THSD7B: variants seen among roughly 807,000 people sequenced by gnomAD.
The protein encoded by THSD7B is thrombospondin type-1 domain-containing protein 7B.
A neutral mutation model predicts 213.6 loss-of-function variants in THSD7B; 138 were observed. The ratio of observed to expected loss-of-function variants is 0.65; its 90% confidence interval spans 0.56 to 0.74. THSD7B has a LOEUF of 0.74. Ranked by LOEUF, THSD7B falls within the 30% of genes least tolerant of loss-of-function variation. The probability of loss-of-function intolerance (pLI) is 0.00; values close to 1 mark genes in which losing one functional copy is unlikely to be tolerated. For synonymous variants in THSD7B, 742 were observed against 687.0 expected (o/e 1.08, Z -1.25); for missense variants, 1,931 against 1,991.5 (o/e 0.97, Z 0.58).
chr2:137,322,819 T>C (rs1368858324), intron 12 of THSD7B, among the ~76,000 whole-genome samples: 2 of 152,206 alleles, frequency 1.3e-5, no homozygotes, highest in African/African-American at 4.8e-5. Context: ...AACATCTCTG[T>C]TTGTCATAGA....
intron 15 of THSD7B, among the ~76,000 whole-genome samples, chr2:137,495,445 A>T (rs1679539159): frequency 6.6e-6 from 1 of 152,014 alleles, no homozygotes; most frequent in Non-Finnish European, 1.5e-5. Flanking sequence ...TAATTCCAAA[A>T]TCCAGGGAGG....
In THSD7B at chr2:137,115,274, C is replaced by T. The variant is rs148364801; in HGVS notation, c.1350C>T (p.Ala450=). ...GTGCCCAGAGCGTACCAGCAGCTGC[C>T]GCACTGAGGGCCAAGGAAGGTAGGC... ...VYCAQSVPAA[A]ALRAKEVSRP... The change falls in exon 5 of 28, where the codon GCC becomes GCT. Residue 450 remains alanine (A), a synonymous_variant. Coordinates refer to ENST00000409968, the MANE Select transcript of THSD7B (RefSeq NM_001316349.2). 127 of 1,581,166 alleles carry T rather than the reference C, an allele frequency of 8.0e-5. No homozygotes were observed. The Admixed American group carries it at 2.2e-3, about 27-fold the overall frequency.
chr2:137,242,140 A>T (rs1681921606), intron 9 of THSD7B, among the ~76,000 whole-genome samples: 1 of 152,118 alleles, frequency 6.6e-6, no homozygotes, highest in South Asian at 2.1e-4. Context: ...TTTCCTTCTG[A>T]AAAAGATAAA....
At chr2:137,592,292 G>T (rs115267908) in intron 17 of THSD7B, among the ~76,000 whole-genome samples, 2,285 of 151,644 alleles carry the variant, frequency 0.015, 55 homozygotes, top group African/African-American at 0.052. Context: ...TTTGTATTTT[G>T]TCAATATAAC....
At chr2:137,549,762 A>G (rs1253905343) in intron 15 of THSD7B, among the ~76,000 whole-genome samples, 1 of 151,972 alleles carries the variant, frequency 6.6e-6, no homozygotes, top group Non-Finnish European at 1.5e-5. Flanking sequence ...TAGATACCTC[A>G]CCTAAGTCTA....
intron 3 of THSD7B, among the ~76,000 whole-genome samples, chr2:137,082,546 A>T (rs1366369044): frequency 6.6e-6 from 1 of 152,138 alleles, no homozygotes; most frequent in Non-Finnish European, 1.5e-5. Flanking sequence ...TTAACTTTAA[A>T]CATAATTTCG....
chr2:137,653,771 A>C (rs998116582), intron 21 of THSD7B, among the ~76,000 whole-genome samples: 1 of 150,404 alleles, frequency 6.6e-6, no homozygotes, highest in Non-Finnish European at 1.5e-5. Flanking sequence ...ATTTTTTAAA[A>C]TTATTATTTC....
intron 2 of THSD7B, among the ~76,000 whole-genome samples, chr2:136,915,884 A>G (rs1226896055): frequency 1.3e-5 from 2 of 152,230 alleles, no homozygotes; most frequent in Admixed American, 1.3e-4. Flanking sequence ...CTGACAGTAC[A>G]TTTTCAGGTC....
At chr2:136,917,892 C>T (rs1315757729) in intron 2 of THSD7B, among the ~76,000 whole-genome samples, 1 of 152,178 alleles carries the variant, frequency 6.6e-6, no homozygotes, top group Non-Finnish European at 1.5e-5. Flanking sequence ...AGCTTAACAT[C>T]CTTTAGCTGA....
chr2:137,156,962 C>A (rs1679922640), intron 5 of THSD7B, among the ~76,000 whole-genome samples: 1 of 152,082 alleles, frequency 6.6e-6, no homozygotes, highest in Non-Finnish European at 1.5e-5. Flanking sequence ...GAAAAGAGGG[C>A]AGTAATACAG....
At position 136,992,864 on chromosome 2, in the gene THSD7B, TC is replaced by T. The variant is rs148173974; in HGVS notation, c.140-63555del. Reference sequence around the variant, plus strand: ...GACTACGCATGGGTCATCCGCAATGTCTGTTAAAACATGTTTGCCCAACTTT... The same window carrying T: ...GACTACGCATGGGTCATCCGCAATGTTGTTAAAACATGTTTGCCCAACTTT... On this transcript the variant is annotated intron_variant, in intron 2 of 27. Transcript: ENST00000409968. Among the ~76,000 whole-genome samples, 280 of 152,336 alleles carry T rather than the reference TC, an allele frequency of 1.8e-3. 1 individual carries two copies. Among genetic ancestry groups the T allele is most frequent in the African/African-American group, 6.4e-3 (268 of 41,576 alleles).
intron 1 of THSD7B, among the ~76,000 whole-genome samples, chr2:136,804,732 T>C (rs1682253771): frequency 6.6e-6 from 1 of 152,178 alleles, no homozygotes; most frequent in Admixed American, 6.5e-5. Context: ...ATTTCTTTTC[T>C]TGAAGTTACT....
chr2:136,914,839 A>G (rs1684325519), intron 2 of THSD7B, among the ~76,000 whole-genome samples: 1 of 152,198 alleles, frequency 6.6e-6, no homozygotes, highest in African/African-American at 2.4e-5. Flanking sequence ...ATAAGACAGA[A>G]TTAAAATGAA....
chr2:137,082,131 T>C (rs1009734628), intron 3 of THSD7B, among the ~76,000 whole-genome samples: 1 of 152,172 alleles, frequency 6.6e-6, no homozygotes, highest in Non-Finnish European at 1.5e-5. Context: ...TTGAACTTTC[T>C]TTTTCTGAAA....
rs267598900 is a variant in THSD7B, at chr2:137,642,490, C to A, written c.3802C>A (p.Arg1268=). The part of the protein sequence containing the change: ...ECSQTCGHGG[R]MSRTRFIIMP... ...TGACACCTCCCTTATCATTTTAGGT[C>A]GAATGAGCCGGACTCGATTTATCAT... is the stretch of plus-strand genomic sequence containing the variant. The change falls in exon 21 of 28, where the codon CGA becomes AGA. Residue 1268 remains arginine (R), a splice_region_variant and synonymous_variant. Coordinates refer to ENST00000409968, the MANE Select transcript of THSD7B (RefSeq NM_001316349.2). The A allele has an allele frequency of 3.7e-6, 6 of 1,613,406 alleles. No homozygotes were observed. Among genetic ancestry groups the A allele is most frequent in the Middle Eastern group, 1.6e-4 (1 of 6,080 alleles).
At chr2:137,525,464 T>C (rs1680261510) in intron 15 of THSD7B, among the ~76,000 whole-genome samples, 2 of 152,180 alleles carry the variant, frequency 1.3e-5, no homozygotes, top group Non-Finnish European at 2.9e-5. Flanking sequence ...TAGTTACTTA[T>C]ACTTATTTAT....
At chr2:137,011,258 T>C (rs1686226206) in intron 2 of THSD7B, among the ~76,000 whole-genome samples, 1 of 152,210 alleles carries the variant, frequency 6.6e-6, no homozygotes, top group African/African-American at 2.4e-5. Context: ...GTTTTACCCC[T>C]AAAGCTTTAT....
chr2:137,108,827 A>G (rs1178857271), intron 4 of THSD7B, among the ~76,000 whole-genome samples: 4 of 152,204 alleles, frequency 2.6e-5, no homozygotes, highest in Non-Finnish European at 2.9e-5. Context: ...ATGGGGGGAT[A>G]AAAGTTCAGA....
intron 7 of THSD7B, among the ~76,000 whole-genome samples, chr2:137,191,806 T>C (rs1680664882): frequency 6.6e-6 from 1 of 152,118 alleles, no homozygotes; most frequent in Non-Finnish European, 1.5e-5. Context: ...TCATATTATA[T>C]ATACTGAATG....
Sources: gnomAD v4.1 joint callset for allele counts (sites outside exome capture counted in the v4.1 genomes callset) on GRCh38, gnomAD v4.1.1 for gene constraint, MANE v1.5 for transcripts, NCBI Gene and HGNC (gene_info 2026-07-23, HGNC 2026-07-21) for gene names.